CDK18: variants seen among roughly 807,000 people sequenced by gnomAD.
CDK18 encodes the protein cyclin dependent kinase 18.
Under a neutral mutation model 62.0 loss-of-function variants are expected in CDK18, and 52 were observed. That is an observed-to-expected ratio of 0.84 (90% CI 0.67 to 1.06). The LOEUF (loss-of-function observed/expected upper bound fraction) is 1.06. CDK18 is among the 50% of genes least tolerant of loss of function. The pLI is 0.00. For synonymous variants in CDK18, 237 were observed against 247.0 expected, an observed-to-expected ratio of 0.96 and a Z score of 0.38; for missense variants, 604 against 619.9, an observed-to-expected ratio of 0.97 and a Z score of 0.27.
chr1:205,525,096 TA>T, intron 4 of CDK18, 42 bp from the exon 5 acceptor site: 1 of 1,467,716 alleles, frequency 6.8e-7, no homozygotes, highest in Non-Finnish European at 9.5e-7. Flanking sequence ...GTGGAGCTGC[TA>T]AGGGCTTCAA....
chr1:205,520,256 C>T (rs760418974), intron 1 of CDK18, among the ~76,000 whole-genome samples: 25 of 152,206 alleles, frequency 1.6e-4, no homozygotes, highest in Non-Finnish European at 2.6e-4. Context: ...TCCTGGTCAC[C>T]GCTCCAGGTG....
chr1:205,527,824 G>C lies in CDK18; in HGVS notation c.760G>C (p.Ala254Pro). Residue 254 changes from alanine to proline, a missense_variant, in exon 9 of 16, where the codon GCC (alanine) becomes CCC (proline). Transcript: ENST00000429964. The surrounding 1 kb of genome is among the most constrained non-coding windows in gnomAD (Gnocchi z 4.1). Reference protein sequence around the residue: ...IFMFQLLRGLAYCHHRKILHR... With the variant: ...IFMFQLLRGLPYCHHRKILHR... Reference sequence around the variant, plus strand: ...CATGTTCCAGCTGCTCCGGGGCCTCGCCTACTGTCACCACCGCAAGATCCT... The same window carrying C: ...CATGTTCCAGCTGCTCCGGGGCCTCCCCTACTGTCACCACCGCAAGATCCT... 2 of 1,613,836 alleles carry C rather than the reference G, an allele frequency of 1.2e-6. No individual in the cohort carries two copies. Among genetic ancestry groups the C allele is most frequent in the Non-Finnish European group, 1.7e-6 (2 of 1,179,888 alleles).
Position 205,527,173 on chromosome 1 carries a change from T to C in CDK18, c.729+336T>C. ...GGGAAGCTCGGGGTTATGAATGACC[T>C]CTCCTGGTGTTTGTTAAAGAATCAA... On this transcript the variant is annotated intron_variant, in intron 8 of 15. Coordinates refer to ENST00000429964, the MANE Select transcript of CDK18 (RefSeq NM_212502.3). The surrounding 1 kb of genome is among the most constrained non-coding windows in gnomAD (Gnocchi z 4.1). The C allele has an allele frequency of 3.2e-6, 1 of 311,962 alleles. No individual in the cohort carries two copies. Among genetic ancestry groups the C allele is most frequent in the Non-Finnish European group, 6.0e-6 (1 of 166,664 alleles). 19.3% of individuals were successfully genotyped at this position (311,962 alleles called of 1,614,324 possible). A position where few individuals can be genotyped will look rare whatever the true frequency, so the allele number is the denominator to read the frequency against.
Position 205,529,047 on chromosome 1 carries a change from C to G in CDK18, c.1023C>G (p.Phe341Leu). ...AGATGGCCACAGGGAGGCCCCTCTT[C>G]CCGGGCTCCACAGTCAAGGAGGAGC... Reference protein sequence around the residue: ...HYEMATGRPLFPGSTVKEELH... With the variant: ...HYEMATGRPLLPGSTVKEELH... The change falls in exon 11 of 16, where the codon TTC (phenylalanine) becomes TTG (leucine). Residue 341 changes from phenylalanine (F) to leucine (L), a missense_variant. Coordinates refer to ENST00000429964, the MANE Select transcript of CDK18 (RefSeq NM_212502.3). 1 of 1,597,100 alleles carries G rather than the reference C, an allele frequency of 6.3e-7. No individual in the cohort carries two copies.
At chr1:205,515,253 C>T (rs182968368) in intron 1 of CDK18, among the ~76,000 whole-genome samples, 65 of 149,138 alleles carry the variant, frequency 4.4e-4, no homozygotes, top group African/African-American at 1.6e-3. Flanking sequence ...TTCGGCTCAC[C>T]GCAAACTCTG....
intron 1 of CDK18, among the ~76,000 whole-genome samples, chr1:205,522,142 G>A (rs2102301138): frequency 6.6e-6 from 1 of 152,184 alleles, no homozygotes; most frequent in East Asian, 1.9e-4. Context: ...AGAAGGGAGG[G>A]TCTGCAGGAA....
intron 1 of CDK18, among the ~76,000 whole-genome samples, chr1:205,514,177 A>G (rs909396718): frequency 6.6e-6 from 1 of 152,238 alleles, no homozygotes; most frequent in African/African-American, 2.4e-5. Context: ...GATGTCAGAA[A>G]GCTGTGGGAG....
chr1:205,508,916 A>T, intron 1 of CDK18, among the ~76,000 whole-genome samples: 1 of 152,144 alleles, frequency 6.6e-6, no homozygotes, highest in East Asian at 1.9e-4. Context: ...TGGAAGGCCA[A>T]GGCGGGTGGA....
intron 13 of CDK18, chr1:205,530,033 T>A (rs1486183077): frequency 3.2e-5 from 46 of 1,415,580 alleles, no homozygotes; most frequent in Non-Finnish European, 4.2e-5. Flanking sequence ...TCTCCTGAAG[T>A]TTCATTTCTG....
rs779355681 is a variant in CDK18 at position 205,531,355 on chromosome 1, A to G, written c.1402A>G (p.Asn468Asp). The G allele has an allele frequency of 2.0e-5, 33 of 1,614,062 alleles. No individual in the cohort carries two copies. The East Asian group carries it at 7.1e-4, about 35-fold the overall frequency. Residue 468 changes from asparagine to aspartate, a missense_variant, in exon 16 of 16, where the codon AAC becomes GAC. Asn to Asp is a conservative substitution (Grantham distance 23). Coordinates refer to ENST00000429964, the MANE Select transcript of CDK18 (RefSeq NM_212502.3). ...LAFQQPGRGK[N>D]RRQSIF ...TCTCCATTCTCCAGGACGAGGGAAG[A>G]ACAGGCGGCAGAGCATCTTCTGAGC...
Position 205,529,562 on chromosome 1 carries a change from T to C in CDK18, c.1220T>C (p.Leu407Pro). ...ATCCACCTCCTGAGCAGCCTGCTCCTGGTGAGTGTCCTCCCGGCGGGGCCC... is the reference window on the plus strand; with the variant it reads ...ATCCACCTCCTGAGCAGCCTGCTCCCGGTGAGTGTCCTCCCGGCGGGGCCC... ...DGIHLLSSLL[L>P]YESKSRMSAE... The change falls in exon 13 of 16, where the codon CTG becomes CCG. Residue 407 changes from leucine to proline, a missense_variant and splice_region_variant. Coordinates refer to ENST00000429964, the MANE Select transcript of CDK18 (RefSeq NM_212502.3). The C allele has an allele frequency of 1.2e-6, 2 of 1,613,672 alleles. No individual in the cohort carries two copies. Among genetic ancestry groups the C allele is most frequent in the Middle Eastern group, 1.6e-4 (1 of 6,062 alleles).
At chr1:205,522,980 C>A in intron 1 of CDK18, 167 bp from the exon 2 acceptor site, 2 of 656,434 alleles carry the variant, frequency 3.0e-6, no homozygotes, top group Non-Finnish European at 5.1e-6. Flanking sequence ...AGGGTGAACA[C>A]CCACCCTCAG....
chr1:205,528,995 G>C lies in CDK18; in HGVS notation c.975-4G>C. The C allele has an allele frequency of 3.8e-6, 6 of 1,571,106 alleles. No homozygotes were observed. The highest frequency in any genetic ancestry group is 5.2e-6 in the Non-Finnish European group (6 of 1,157,600). The stretch of plus-strand genomic sequence containing the variant: ...ATGCCGACCCTACCCCTTGCTCCTC[G>C]CAGGGGCGTGGGCTGCATCCACTAC... On this transcript the variant is annotated splice_region_variant and splice_polypyrimidine_tract_variant and intron_variant, in intron 10 of 15. Coordinates refer to ENST00000429964, the MANE Select transcript of CDK18 (RefSeq NM_212502.3). The surrounding 1 kb of genome is among the most constrained non-coding windows in gnomAD (Gnocchi z 4.2).
intron 1 of CDK18, among the ~76,000 whole-genome samples, chr1:205,506,191 G>A (rs1175297309): frequency 8.5e-5 from 13 of 152,298 alleles, no homozygotes; most frequent in South Asian, 2.1e-4. Flanking sequence ...AGTACAGGGC[G>A]ACACTGGCTC....
chr1:205,508,390 A>G (rs370682385), intron 1 of CDK18, among the ~76,000 whole-genome samples: 3 of 152,356 alleles, frequency 2.0e-5, no homozygotes, highest in Admixed American at 6.5e-5. Context: ...GCTCAGGCCA[A>G]GGGTCTGGGA....
In CDK18 at chr1:205,528,299, T is replaced by C. The variant is rs1668546365; in HGVS notation, c.974+131T>C. 8 of 1,087,278 alleles carry C rather than the reference T, an allele frequency of 7.4e-6. No homozygotes were observed. The South Asian group carries it at 1.3e-4, about 17-fold the overall frequency. 67.4% of individuals were successfully genotyped at this position (1,087,278 alleles called of 1,614,324 possible). ...TTTGCCTAAAAGCCTTGTGACATCC[T>C]GCTGAAATGGATGTTAAAAAATTAG... On this transcript the variant is annotated intron_variant, in intron 10 of 15. Transcript: ENST00000429964. This position sits in a 1 kb window ranked among gnomAD's most constrained non-coding sequence, Gnocchi z 4.2.
chr1:205,527,165 G>T lies in CDK18; in HGVS notation c.729+328G>T, dbSNP rs1321375035. ...GGCTTCTGGGGAAGCTCGGGGTTAT[G>T]AATGACCTCTCCTGGTGTTTGTTAA... On this transcript the variant is annotated intron_variant, in intron 8 of 15. Transcript: ENST00000429964. The surrounding 1 kb of genome is among the most constrained non-coding windows in gnomAD (Gnocchi z 4.1). 2.8e-6 allele frequency: 1 copy of T among 360,860 alleles called. No individual in the cohort carries two copies. Among genetic ancestry groups the T allele is most frequent in the Non-Finnish European group, 5.1e-6 (1 of 194,726 alleles). The allele number at this position is 360,860 out of a possible 1,614,324, so 22.4% of individuals were successfully genotyped here. A position where few individuals can be genotyped will look rare whatever the true frequency, so the allele number is the denominator to read the frequency against.
intron 5 of CDK18, 108 bp from the exon 6 acceptor site, chr1:205,525,957 G>A: frequency 2.8e-6 from 2 of 706,702 alleles, no homozygotes; most frequent in South Asian, 1.8e-5. Flanking sequence ...GGGAGGAAGG[G>A]CACTCAGGCC....
chr1:205,515,081 A>T (rs1667753211), intron 1 of CDK18, among the ~76,000 whole-genome samples: 1 of 151,766 alleles, frequency 6.6e-6, no homozygotes, highest in African/African-American at 2.4e-5. Context: ...GAGGGGTGAG[A>T]GCTGAGGCTC....
Sources: gnomAD v4.1 joint callset for allele counts (sites outside exome capture counted in the v4.1 genomes callset) on GRCh38, gnomAD v4.1.1 for gene constraint, Gnocchi (gnomAD v3.1) non-coding constraint, MANE v1.5 for transcripts, NCBI Gene and HGNC (gene_info 2026-07-23, HGNC 2026-07-21) for gene names.